RBMS3: variants seen among roughly 807,000 people sequenced by gnomAD.
RBMS3 encodes RNA-binding motif, single-stranded-interacting protein 3.
RBMS3 carries 27 observed loss-of-function variants against 66.8 expected under a neutral mutation model. The observed-to-expected ratio is 0.40, with a 90% CI of 0.30 to 0.56. The LOEUF is 0.56. Among genes scored for constraint, RBMS3 ranks in the 20% least tolerant of loss-of-function variants. The pLI, the probability that RBMS3 is intolerant of heterozygous loss-of-function variation, is 0.40. For synonymous variants in RBMS3, 188 were observed against 183.0 expected (o/e 1.03, Z -0.22); for missense variants, 513 against 549.5 (o/e 0.93, Z 0.66).
At chr3:29,829,955 T>C (rs1035238113) in intron 6 of RBMS3, among the ~76,000 whole-genome samples, 1 of 151,668 alleles carries the variant, frequency 6.6e-6, no homozygotes, top group Non-Finnish European at 1.5e-5. Flanking sequence ...CTATCCCTAC[T>C]CACTACTTTG....
chr3:29,532,526 C>T (rs1030532973), intron 3 of RBMS3, among the ~76,000 whole-genome samples: 5 of 151,764 alleles, frequency 3.3e-5, no homozygotes, highest in African/African-American at 1.2e-4. Context: ...GTGTGCAAGA[C>T]CAGCCTGCAA....
At chr3:29,644,112 G>T (rs1257240849) in intron 4 of RBMS3, among the ~76,000 whole-genome samples, 1 of 152,110 alleles carries the variant, frequency 6.6e-6, no homozygotes, top group Non-Finnish European at 1.5e-5. Context: ...GAATCTAATA[G>T]AGGGGAATTC....
At chr3:29,508,428 A>G (rs969276798) in intron 3 of RBMS3, among the ~76,000 whole-genome samples, 5 of 151,984 alleles carry the variant, frequency 3.3e-5, no homozygotes, top group Non-Finnish European at 7.4e-5. Context: ...TTCAGCTCCC[A>G]CTTATGAGTG....
At chr3:29,415,012 C>A (rs2040423522) in intron 1 of RBMS3, among the ~76,000 whole-genome samples, 1 of 152,140 alleles carries the variant, frequency 6.6e-6, no homozygotes, top group South Asian at 2.1e-4. Context: ...GAGGATATGG[C>A]TGATAAATGC....
At chr3:29,980,863 G>A (rs1697937710) in intron 12 of RBMS3, among the ~76,000 whole-genome samples, 1 of 152,090 alleles carries the variant, frequency 6.6e-6, no homozygotes, top group Admixed American at 6.6e-5. Context: ...GTCAGGTATT[G>A]TGATGCCTCC....
At chr3:29,940,441 GCTATC>G (rs2061364809) in intron 11 of RBMS3, among the ~76,000 whole-genome samples, 1 of 151,868 alleles carries the variant, frequency 6.6e-6, no homozygotes. Flanking sequence ...AGAGCAGAGA[GCTATC>G]CAGTGAATAA....
intron 4 of RBMS3, among the ~76,000 whole-genome samples, chr3:29,683,963 T>A (rs887659249): frequency 1.1e-4 from 16 of 152,202 alleles, no homozygotes; most frequent in African/African-American, 3.4e-4. Context: ...TCTAGATTTA[T>A]GTAGCTCTTT....
chr3:29,940,117 T>C (rs764607925), intron 11 of RBMS3, among the ~76,000 whole-genome samples: 7 of 151,892 alleles, frequency 4.6e-5, no homozygotes, highest in Non-Finnish European at 7.4e-5. Flanking sequence ...TTTTCTCTCA[T>C]AGACATTGGT....
At chr3:29,375,313 T>A (rs1302656631) in intron 1 of RBMS3, among the ~76,000 whole-genome samples, 1 of 152,122 alleles carries the variant, frequency 6.6e-6, no homozygotes, top group Admixed American at 6.5e-5. Context: ...TATTTCATGA[T>A]GAAGACACCA....
intron 12 of RBMS3, among the ~76,000 whole-genome samples, chr3:29,974,952 TATAA>T (rs1697471063): frequency 7.0e-6 from 1 of 142,912 alleles, no homozygotes; most frequent in Non-Finnish European, 1.5e-5. Context: ...ATATTTTATA[TATAA>T]AATACGTTTC....
At position 29,797,081 on chromosome 3, in the gene RBMS3, TG is replaced by T. The variant is rs1360928823; in HGVS notation, c.637+34093del. On this transcript the variant is annotated intron_variant, in intron 6 of 14. Transcript: ENST00000383767. ...ACAGTCAGCCTGTCCTTTGAAGTTT[TG>T]AGGCCAGGCATTGTCTTCTCCTCTG... Among the ~76,000 whole-genome samples, 15 of 152,284 alleles carry T rather than the reference TG, an allele frequency of 9.9e-5. No homozygotes were observed. In the South Asian group the frequency reaches 2.7e-3, roughly 27 times the overall value.
intron 6 of RBMS3, among the ~76,000 whole-genome samples, chr3:29,838,856 A>G (rs1311307715): frequency 1.3e-5 from 2 of 152,164 alleles, no homozygotes; most frequent in African/African-American, 2.4e-5. Flanking sequence ...AAACAGGTTG[A>G]TAAATTCTGT....
At chr3:29,471,597 C>T (rs886556585) in intron 2 of RBMS3, among the ~76,000 whole-genome samples, 1 of 151,998 alleles carries the variant, frequency 6.6e-6, no homozygotes, top group African/African-American at 2.4e-5. Context: ...TGAAGGGAAC[C>T]TACCTGGTAA....
At chr3:29,508,456 G>A (rs913945967) in intron 3 of RBMS3, among the ~76,000 whole-genome samples, 19 of 152,074 alleles carry the variant, frequency 1.2e-4, no homozygotes, top group Admixed American at 5.9e-4. Flanking sequence ...GCAGTGTTTG[G>A]TTTTCTGTTC....
chr3:29,458,136 G>T (rs2042255499), intron 2 of RBMS3, among the ~76,000 whole-genome samples: 1 of 151,988 alleles, frequency 6.6e-6, no homozygotes, highest in South Asian at 2.1e-4. Context: ...TTAAATTATT[G>T]ACTCCCTTCC....
chr3:29,680,144 C>T (rs1390964940), intron 4 of RBMS3, among the ~76,000 whole-genome samples: 3 of 152,126 alleles, frequency 2.0e-5, no homozygotes, highest in Non-Finnish European at 1.5e-5. Flanking sequence ...TCCCCAGTGT[C>T]GATTTGACAG....
At chr3:29,488,576 G>T in intron 3 of RBMS3, 77 bp downstream of exon 3, 1 of 1,311,996 alleles carries the variant, frequency 7.6e-7, no homozygotes, top group Non-Finnish European at 1.1e-6. Context: ...TGGAGGTCCA[G>T]GTACCAGCTG....
intron 6 of RBMS3, among the ~76,000 whole-genome samples, chr3:29,866,364 T>G (rs1559751634): frequency 6.6e-6 from 1 of 152,166 alleles, no homozygotes; most frequent in Non-Finnish European, 1.5e-5. Flanking sequence ...ATGTAGTTGC[T>G]AGGAAAATTT....
intron 4 of RBMS3, among the ~76,000 whole-genome samples, chr3:29,686,011 G>T (rs2051717224): frequency 6.6e-6 from 1 of 152,146 alleles, no homozygotes; most frequent in African/African-American, 2.4e-5. Context: ...TCCCTCTCTG[G>T]ATCTTCATTA....
Sources: allele counts gnomAD v4.1 joint callset (sites outside exome capture counted in the v4.1 genomes callset), GRCh38; gene constraint gnomAD v4.1.1; transcripts MANE v1.5; gene names NCBI Gene and HGNC (gene_info 2026-07-23, HGNC 2026-07-21).